The following TMBIM4 variants were observed in gnomAD, a reference collection of about 807,000 sequenced individuals.
The protein encoded by TMBIM4 is transmembrane BAX inhibitor motif containing 4.
Under a neutral mutation model 27.7 loss-of-function variants are expected in TMBIM4, and 28 were observed. The observed-to-expected ratio is 1.01, with a 90% CI of 0.75 to 1.38. The LOEUF (loss-of-function observed/expected upper bound fraction) is 1.38. TMBIM4 is among the 40% of genes most tolerant of loss of function. The pLI is 0.00. For synonymous variants in TMBIM4, 115 were observed against 113.1 expected, an observed-to-expected ratio of 1.02 and a Z score of -0.11; for missense variants, 265 against 277.5, an observed-to-expected ratio of 0.95 and a Z score of 0.32.
At chr12:66,162,225 C>G (rs1203963218) in intron 1 of TMBIM4, among the ~76,000 whole-genome samples, 2 of 152,296 alleles carry the variant, frequency 1.3e-5, no homozygotes, top group East Asian at 3.9e-4. Context: ...TTTTGCTTTT[C>G]AAGGTTTCAG....
At chr12:66,140,147 C>A (rs2051643921) in intron 5 of TMBIM4, among the ~76,000 whole-genome samples, 1 of 151,894 alleles carries the variant, frequency 6.6e-6, no homozygotes, top group African/African-American at 2.4e-5. Flanking sequence ...GGAAATATGA[C>A]CCATAACAAG....
intron 1 of TMBIM4, chr12:66,169,208 T>C (rs1484956509): frequency 1.6e-5 from 11 of 692,742 alleles, no homozygotes; most frequent in South Asian, 1.5e-4. Flanking sequence ...GGCTTCCACG[T>C]AGATGAAGCT....
At chr12:66,163,718 A>G (rs1169208799) in intron 1 of TMBIM4, among the ~76,000 whole-genome samples, 2 of 152,230 alleles carry the variant, frequency 1.3e-5, no homozygotes, top group Non-Finnish European at 2.9e-5. Context: ...CCTATCAGAC[A>G]GAATCTGAGA....
intron 5 of TMBIM4, 87 bp downstream of exon 5, chr12:66,145,754 A>C: frequency 5.3e-6 from 4 of 758,088 alleles, no homozygotes; most frequent in South Asian, 2.1e-5. Flanking sequence ...GACAGTACCC[A>C]AAAATAACAG....
At chr12:66,169,596 C>A (rs1474378697) in intron 1 of TMBIM4, 1 of 450,996 alleles carries the variant, frequency 2.2e-6, no homozygotes, top group East Asian at 3.5e-5. Flanking sequence ...GCTGGGGAGC[C>A]GGGGCGCACA....
intron 6 of TMBIM4, among the ~76,000 whole-genome samples, chr12:66,138,435 C>T (rs920406305): frequency 4.6e-5 from 7 of 152,142 alleles, no homozygotes; most frequent in Non-Finnish European, 7.3e-5. Flanking sequence ...AAATATATTT[C>T]GTTTTTCACA....
chr12:66,155,335 T>TGAGAGAGAGAGAGAGA lies in TMBIM4; in HGVS notation c.98-1903_98-1888dup, dbSNP rs71697123. 1.3e-3 allele frequency among the ~76,000 whole-genome samples: 165 copies of TGAGAGAGAGAGAGAGA among 131,704 alleles called. 4 individuals are homozygous for TGAGAGAGAGAGAGAGA. Among genetic ancestry groups the TGAGAGAGAGAGAGAGA allele is most frequent in the Middle Eastern group, 4.0e-3 (1 of 252 alleles). The allele number at this position is 131,704 out of a possible 152,430, so 86.4% of individuals were successfully genotyped here. A position where few individuals can be genotyped will look rare whatever the true frequency, so the allele number is the denominator to read the frequency against. On this transcript the variant is annotated intron_variant, in intron 1 of 6. Coordinates refer to ENST00000358230, the MANE Select transcript of TMBIM4 (RefSeq NM_016056.4). ...AGGATGGGGTGTGTGTGCACACGTG[T>TGAGAGAGAGAGAGAGA]GAGAGAGAGAGAGAGAGAGAGAGAG...
Position 66,161,943 on chromosome 12 carries a change from G to A in TMBIM4, c.97+7912C>T, listed in dbSNP as rs11176066. ...GAGCAGCCAACTATGCCTCTTTTAC[G>A]GATAAGGAATCTAAGAATCAGAAAG... is the stretch of plus-strand genomic sequence containing the variant. On this transcript the variant is annotated intron_variant, in intron 1 of 6. Coordinates refer to ENST00000358230, the MANE Select transcript of TMBIM4 (RefSeq NM_016056.4). Among the ~76,000 whole-genome samples the A allele has an allele frequency of 8.0e-3, 1,211 of 152,078 alleles. 22 individuals are homozygous for A. The highest frequency in any genetic ancestry group is 0.027 in the African/African-American group (1,134 of 41,466).
intron 5 of TMBIM4, among the ~76,000 whole-genome samples, chr12:66,141,241 A>C (rs1946750): frequency 0.065 from 9,837 of 152,182 alleles, 1,042 homozygotes; most frequent in African/African-American, 0.22. Flanking sequence ...CCTTTAAAAG[A>C]TAATATAATT....
intron 3 of TMBIM4, among the ~76,000 whole-genome samples, chr12:66,148,287 T>C (rs1037196637): frequency 6.6e-6 from 1 of 152,210 alleles, no homozygotes; most frequent in Admixed American, 6.5e-5. Context: ...AAAACCTCAA[T>C]ACCTCACACA....
Position 66,152,173 on chromosome 12 carries a change from T to C in TMBIM4, c.312+98A>G, listed in dbSNP as rs1233842725. On this transcript the variant is annotated intron_variant, in intron 3 of 6. Transcript: ENST00000358230. ...CCTAAAGTACTCTAAAAAAAACTCA[T>C]TAATTTTGTTCTGCCGTTGTTATAT... 6 of 550,692 alleles carry C rather than the reference T, an allele frequency of 1.1e-5. No homozygotes were observed. The East Asian group carries it at 1.1e-4, about 10-fold the overall frequency. The allele number at this position is 550,692 out of a possible 1,614,324, so 34.1% of individuals were successfully genotyped here. A position where few individuals can be genotyped will look rare whatever the true frequency, so the allele number is the denominator to read the frequency against.
intron 5 of TMBIM4, among the ~76,000 whole-genome samples, chr12:66,143,334 T>G (rs879388255): frequency 6.6e-6 from 1 of 152,178 alleles, no homozygotes; most frequent in Non-Finnish European, 1.5e-5. Flanking sequence ...AATCCTACCC[T>G]CATCCCTCTC....
At position 66,169,976 on chromosome 12, in the gene TMBIM4, C is replaced by A; in HGVS notation, c.-25G>T. The A allele has an allele frequency of 1.4e-6, 2 of 1,454,960 alleles. No individual in the cohort carries two copies. Among genetic ancestry groups the A allele is most frequent in the South Asian group, 1.4e-5 (1 of 73,806 alleles). 90.1% of individuals were successfully genotyped at this position (1,454,960 alleles called of 1,614,324 possible). A position where few individuals can be genotyped will look rare whatever the true frequency, so the allele number is the denominator to read the frequency against. Reference sequence around the variant, plus strand: ...TGATGGCAACAGCACCCCTACCGGTCCCGGTCCACTAACCGCAACCGCCTC... The same window carrying A: ...TGATGGCAACAGCACCCCTACCGGTACCGGTCCACTAACCGCAACCGCCTC... On this transcript the variant is annotated 5_prime_UTR_variant, in exon 1 of 7. Coordinates refer to ENST00000358230, the MANE Select transcript of TMBIM4 (RefSeq NM_016056.4).
chr12:66,139,843 T>C (rs1195804131), intron 5 of TMBIM4: 1 of 448,182 alleles, frequency 2.2e-6, no homozygotes, highest in Non-Finnish European at 4.5e-6. Flanking sequence ...TGGGAATAGT[T>C]TGCATTCACA....
In TMBIM4 at chr12:66,145,732, T is replaced by A. The variant is rs2051740153; in HGVS notation, c.464+109A>T. The A allele has an allele frequency of 8.0e-6, 5 of 628,422 alleles. No individual in the cohort carries two copies. The Admixed American group carries it at 1.0e-4, about 13-fold the overall frequency. 38.9% of individuals were successfully genotyped at this position (628,422 alleles called of 1,614,324 possible). ...TCAAAGAGATGATCTCTTATTACCC[T>A]CCATTTTAAAAGACAGTACCCAAAA... is the stretch of plus-strand genomic sequence containing the variant. On this transcript the variant is annotated intron_variant, in intron 5 of 6. Coordinates refer to ENST00000358230, the MANE Select transcript of TMBIM4 (RefSeq NM_016056.4).
chr12:66,137,318 A>C lies in TMBIM4; in HGVS notation c.*642T>G, dbSNP rs572403324. The C allele has an allele frequency of 6.6e-6, 1 of 152,350 alleles. No individual in the cohort carries two copies. The highest frequency in any genetic ancestry group is 1.9e-4 in the East Asian group (1 of 5,192). The allele number at this position is 152,350 out of a possible 1,614,324, so 9.4% of individuals were successfully genotyped here. ...TTAGATAAAATCACTAGACAACGGT[A>C]AACTGATATTCTTATCTACTCATAA... On this transcript the variant is annotated 3_prime_UTR_variant, in exon 7 of 7. Coordinates refer to ENST00000358230, the MANE Select transcript of TMBIM4 (RefSeq NM_016056.4).
intron 1 of TMBIM4, chr12:66,160,240 G>A (rs190799235): frequency 7.1e-5 from 50 of 703,164 alleles, no homozygotes; most frequent in Admixed American, 1.6e-4. Context: ...ATGATATTCA[G>A]TGTGGCTGAG....
intron 1 of TMBIM4, among the ~76,000 whole-genome samples, chr12:66,162,377 T>C (rs922030278): frequency 6.6e-6 from 1 of 152,230 alleles, no homozygotes; most frequent in African/African-American, 2.4e-5. Context: ...TAACACAACA[T>C]GGAATGCATT....
chr12:66,167,228 A>G (rs767419857), intron 1 of TMBIM4, among the ~76,000 whole-genome samples: 38 of 152,216 alleles, frequency 2.5e-4, no homozygotes, highest in Non-Finnish European at 1.6e-4. Flanking sequence ...ATACAACACT[A>G]AGAGCGAACC....
Sources: allele counts gnomAD v4.1 joint callset (sites outside exome capture counted in the v4.1 genomes callset), GRCh38; gene constraint gnomAD v4.1.1; transcripts MANE v1.5; gene names NCBI Gene and HGNC (gene_info 2026-07-23, HGNC 2026-07-21).